PPP6C: variants seen among roughly 807,000 people sequenced by gnomAD.
PPP6C encodes the protein protein phosphatase 6 catalytic subunit.
In PPP6C, 11 loss-of-function variants were observed where a neutral mutation model predicts 39.8. That is an observed-to-expected ratio of 0.28 (90% CI 0.17 to 0.46). The LOEUF (loss-of-function observed/expected upper bound fraction) is 0.46. Ranked by LOEUF, PPP6C falls within the 20% of genes least tolerant of loss-of-function variation. The pLI is 1.00. For missense variants in PPP6C, 211 were observed against 373.9 expected, an observed-to-expected ratio of 0.56 and a Z score of 3.59; for synonymous variants, 129 against 130.3, an observed-to-expected ratio of 0.99 and a Z score of 0.07.
intron 3 of PPP6C, among the ~76,000 whole-genome samples, chr9:125,159,891 G>A (rs991937612): frequency 2.0e-5 from 3 of 152,036 alleles, no homozygotes; most frequent in Non-Finnish European, 2.9e-5. Flanking sequence ...GCGTGGTGGC[G>A]CACGCCTGTA....
intron 2 of PPP6C, among the ~76,000 whole-genome samples, chr9:125,166,915 T>G (rs1157070495): frequency 6.6e-6 from 1 of 151,862 alleles, no homozygotes; most frequent in African/African-American, 2.4e-5. Flanking sequence ...TTCTTTTTCT[T>G]TTTAGATGGG....
chr9:125,153,151 T>C (rs1476797830), intron 6 of PPP6C, among the ~76,000 whole-genome samples: 1 of 151,958 alleles, frequency 6.6e-6, no homozygotes, highest in Non-Finnish European at 1.5e-5. Context: ...CGCACACCTG[T>C]GGTCCCAGCT....
chr9:125,158,090 G>A (rs1259218321), intron 4 of PPP6C, 151 bp downstream of exon 4: 3 of 804,598 alleles, frequency 3.7e-6, no homozygotes, highest in African/African-American at 1.7e-5. Context: ...GTCTTCTCTC[G>A]AGCATAAGAT....
intron 6 of PPP6C, among the ~76,000 whole-genome samples, chr9:125,152,663 T>A (rs1164754264): frequency 1.3e-5 from 2 of 151,818 alleles, no homozygotes; most frequent in Non-Finnish European, 2.9e-5. Context: ...AAACCCCGTC[T>A]CTACTAAAAA....
intron 2 of PPP6C, among the ~76,000 whole-genome samples, chr9:125,167,547 CA>C (rs1447022276): frequency 6.7e-6 from 1 of 150,120 alleles, no homozygotes; most frequent in African/African-American, 2.5e-5. Flanking sequence ...ACTAAAAATA[CA>C]AAAAGTTAGT....
chr9:125,155,674 C>T (rs970074965), intron 4 of PPP6C, among the ~76,000 whole-genome samples: 5 of 152,080 alleles, frequency 3.3e-5, no homozygotes, highest in Middle Eastern at 3.2e-3. Flanking sequence ...GAGGCCGAGG[C>T]GGGCGGATCA....
chr9:125,174,348 TG>T (rs1031231985), intron 1 of PPP6C, among the ~76,000 whole-genome samples: 57 of 151,160 alleles, frequency 3.8e-4, no homozygotes, highest in African/African-American at 1.4e-3. Flanking sequence ...CAAAAGACAA[TG>T]AGGGGAAATA....
chr9:125,158,392 A>C lies in PPP6C; in HGVS notation c.238-10T>G. On this transcript the variant is annotated splice_polypyrimidine_tract_variant and intron_variant, in intron 3 of 6. Coordinates refer to ENST00000373547, the MANE Select transcript of PPP6C (RefSeq NM_002721.5). ...TGTCTACAAAATCACCCTGTGAAGT[A>C]AAAGTTTACAGTTACAAACAATACA... 6.2e-7 allele frequency: 1 copy of C among 1,611,412 alleles called. No homozygotes were observed. Among genetic ancestry groups the C allele is most frequent in the South Asian group, 1.1e-5 (1 of 90,816 alleles).
intron 2 of PPP6C, among the ~76,000 whole-genome samples, chr9:125,163,645 G>A (rs986055076): frequency 6.6e-6 from 1 of 152,038 alleles, no homozygotes; most frequent in Non-Finnish European, 1.5e-5. Flanking sequence ...TGGTCAGGCT[G>A]GTCCTGAACT....
At chr9:125,159,641 A>G (rs1828810465) in intron 3 of PPP6C, among the ~76,000 whole-genome samples, 1 of 152,214 alleles carries the variant, frequency 6.6e-6, no homozygotes, top group Non-Finnish European at 1.5e-5. Flanking sequence ...TAACAACCAT[A>G]TATGATAATA....
At position 125,157,398 on chromosome 9, in the gene PPP6C, A is replaced by G. The variant is rs75425586; in HGVS notation, c.379+843T>C. Among the ~76,000 whole-genome samples the G allele has an allele frequency of 3.8e-3, 580 of 152,298 alleles. 5 individuals carry two copies. The highest frequency in any genetic ancestry group is 0.01 in the Middle Eastern group (3 of 294). On this transcript the variant is annotated intron_variant, in intron 4 of 6. Transcript: ENST00000373547. ...ATAACAGCAGCTTAAAAACAACTCT[A>G]AAGTCCAACGATAGAGGAAAAACTG...
At chr9:125,170,866 A>G (rs546174332) in intron 2 of PPP6C, among the ~76,000 whole-genome samples, 56 of 152,318 alleles carry the variant, frequency 3.7e-4, no homozygotes, top group African/African-American at 1.3e-3. Flanking sequence ...TTCACTTCAC[A>G]AATGTAATTA....
chr9:125,152,311 C>T (rs918750001), intron 6 of PPP6C, among the ~76,000 whole-genome samples: 36 of 152,172 alleles, frequency 2.4e-4, no homozygotes, highest in African/African-American at 8.4e-4. Context: ...AACACTGTAC[C>T]GTAGTCTTCT....
chr9:125,164,386 C>T (rs903413882), intron 2 of PPP6C, among the ~76,000 whole-genome samples: 2 of 151,832 alleles, frequency 1.3e-5, no homozygotes, highest in Non-Finnish European at 2.9e-5. Context: ...GCCACTACAC[C>T]TGCCTAATTT....
chr9:125,164,890 C>T (rs1722264022), intron 2 of PPP6C, among the ~76,000 whole-genome samples: 1 of 152,182 alleles, frequency 6.6e-6, no homozygotes. Context: ...AGTCATGTGC[C>T]ACCATGCCCA....
chr9:125,162,076 T>C (rs1828887833), intron 2 of PPP6C, among the ~76,000 whole-genome samples: 1 of 149,884 alleles, frequency 6.7e-6, no homozygotes, highest in African/African-American at 2.4e-5. Context: ...GTTCCATAAG[T>C]CTAAAAAGTC....
At chr9:125,180,792 AAACTTGAAGTCAT>A (rs1829405038) in intron 1 of PPP6C, among the ~76,000 whole-genome samples, 1 of 152,162 alleles carries the variant, frequency 6.6e-6, no homozygotes, top group Admixed American at 6.5e-5. Context: ...AAGGCCTCCT[AAACTTGAAGTCAT>A]CCCTGGTTAT....
At chr9:125,158,194 G>A (rs749250555) in intron 4 of PPP6C, 47 bp downstream of exon 4, 12 of 1,535,660 alleles carry the variant, frequency 7.8e-6, no homozygotes, top group Non-Finnish European at 8.9e-6. Context: ...GTTTTCCAAA[G>A]AGGAAAGTAA....
intron 1 of PPP6C, among the ~76,000 whole-genome samples, chr9:125,179,215 CA>C (rs150040909): frequency 6.3e-5 from 8 of 127,378 alleles, no homozygotes; most frequent in African/African-American, 9.2e-5. Flanking sequence ...AACTCCATCT[CA>C]AAAAAAAAAG....
Sources: allele counts gnomAD v4.1 joint callset (sites outside exome capture counted in the v4.1 genomes callset), GRCh38; gene constraint gnomAD v4.1.1; transcripts MANE v1.5; gene names NCBI Gene and HGNC (gene_info 2026-07-23, HGNC 2026-07-21).